IL1R1: variants seen among roughly 807,000 people sequenced by gnomAD.
IL1R1 encodes the protein interleukin-1 receptor type 1.
A neutral mutation model predicts 50.2 loss-of-function variants in IL1R1; 22 were observed. The observed-to-expected ratio is 0.44, with a 90% CI of 0.31 to 0.63. The LOEUF is 0.63. Among genes scored for constraint, IL1R1 ranks in the 20% least tolerant of loss-of-function variants. IL1R1 has a pLI of 0.07. For synonymous variants in IL1R1, 251 were observed against 236.7 expected (o/e 1.06, Z -0.55); for missense variants, 509 against 676.2 (o/e 0.75, Z 2.74).
intron 1 of IL1R1, among the ~76,000 whole-genome samples, chr2:102,119,399 G>A (rs1029237834): frequency 2.0e-5 from 3 of 152,328 alleles, no homozygotes; most frequent in Non-Finnish European, 2.9e-5. Context: ...GTGGTCAGTA[G>A]GTTATTGTTT....
chr2:102,121,881 G>A (rs1681425879), intron 1 of IL1R1, among the ~76,000 whole-genome samples: 3 of 152,124 alleles, frequency 2.0e-5, no homozygotes, highest in African/African-American at 7.2e-5. Context: ...CTATACTGGA[G>A]TTTAAAGCCA....
At chr2:102,145,646 A>C (rs1683054120) in intron 1 of IL1R1, among the ~76,000 whole-genome samples, 1 of 152,194 alleles carries the variant, frequency 6.6e-6, no homozygotes, top group Non-Finnish European at 1.5e-5. Flanking sequence ...GTGGAGTCTG[A>C]AATGAGGCTT....
intron 1 of IL1R1, among the ~76,000 whole-genome samples, chr2:102,124,021 C>T (rs566097442): frequency 6.6e-6 from 1 of 151,986 alleles, no homozygotes; most frequent in Non-Finnish European, 1.5e-5. Flanking sequence ...AAGTAAAGTA[C>T]TCACACACTA....
At chr2:102,072,915 G>A (rs745973914) in intron 1 of IL1R1, among the ~76,000 whole-genome samples, 3 of 152,150 alleles carry the variant, frequency 2.0e-5, no homozygotes, top group Non-Finnish European at 4.4e-5. Context: ...ACTGACTGAA[G>A]GCCCTTCCCG....
chr2:102,167,442 G>GTTTTT (rs3047461), intron 6 of IL1R1, among the ~76,000 whole-genome samples: 10 of 68,930 alleles, frequency 1.5e-4, no homozygotes, highest in Non-Finnish European at 2.0e-4. Context: ...TAGGTTAAGT[G>GTTTTT]TTTTTTTTTT....
At chr2:102,081,325 A>G (rs925447750) in intron 1 of IL1R1, among the ~76,000 whole-genome samples, 2 of 152,226 alleles carry the variant, frequency 1.3e-5, no homozygotes, top group Non-Finnish European at 2.9e-5. Flanking sequence ...AGTTACAACC[A>G]GCTAAGGGAG....
At chr2:102,099,965 C>T (rs1680069515), upstream of IL1R1, among the ~76,000 whole-genome samples, 1 of 152,122 alleles carries the variant, frequency 6.6e-6, no homozygotes, top group African/African-American at 2.4e-5. Flanking sequence ...ATTTTAACTC[C>T]AGGACTCCCA....
intron 1 of IL1R1, among the ~76,000 whole-genome samples, chr2:102,131,547 C>A (rs1682029172): frequency 6.6e-6 from 1 of 151,508 alleles, no homozygotes; most frequent in Non-Finnish European, 1.5e-5. Context: ...ATAACAACTA[C>A]AATTTCTGAG....
chr2:102,136,229 G>A (rs1363861652), intron 1 of IL1R1, among the ~76,000 whole-genome samples: 2 of 152,100 alleles, frequency 1.3e-5, no homozygotes, highest in African/African-American at 4.8e-5. Flanking sequence ...TGCCATCCAG[G>A]CTCTTAACAC....
chr2:102,119,914 A>G (rs762853659), intron 1 of IL1R1, among the ~76,000 whole-genome samples: 3 of 152,256 alleles, frequency 2.0e-5, no homozygotes, highest in East Asian at 3.9e-4. Flanking sequence ...TATTCATTTC[A>G]TGATGAAAAA....
intron 1 of IL1R1, among the ~76,000 whole-genome samples, chr2:102,117,994 A>G (rs1233371146): frequency 1.3e-5 from 2 of 151,048 alleles, no homozygotes; most frequent in Non-Finnish European, 2.9e-5. Flanking sequence ...ATATATATAG[A>G]CAAAATAAAA....
intron 1 of IL1R1, among the ~76,000 whole-genome samples, chr2:102,117,360 A>G (rs563405166): frequency 7.9e-5 from 12 of 152,300 alleles, no homozygotes; most frequent in South Asian, 2.1e-4. Context: ...ACACAGCTGG[A>G]AAGAGCAGGG....
chr2:102,172,990 C>G (rs1481689118), intron 9 of IL1R1, 152 bp downstream of exon 9: 4 of 600,460 alleles, frequency 6.7e-6, no homozygotes, highest in Non-Finnish European at 1.2e-5. Flanking sequence ...TTCTGCTGAA[C>G]TCTCTCTTCT....
chr2:102,129,970 T>C (rs944470329), intron 1 of IL1R1, among the ~76,000 whole-genome samples: 2 of 152,262 alleles, frequency 1.3e-5, no homozygotes, highest in Non-Finnish European at 2.9e-5. Flanking sequence ...CATTGCCTGT[T>C]AACATAAATC....
intron 11 of IL1R1, chr2:102,175,972 T>A: frequency 2.1e-6 from 1 of 478,344 alleles, no homozygotes; most frequent in Non-Finnish European, 3.7e-6. Flanking sequence ...TCCAACAAAG[T>A]TTTCTGAGTT....
chr2:102,172,659 A>G (rs755200038), intron 8 of IL1R1, 28 bp from the exon 9 acceptor site: 11 of 1,566,196 alleles, frequency 7.0e-6, no homozygotes, highest in Non-Finnish European at 9.5e-6. Context: ...TAACTTACAC[A>G]AGTTTATTTA....
intron 3 of IL1R1, 42 bp from the exon 4 acceptor site, chr2:102,164,732 A>C: frequency 7.4e-7 from 1 of 1,346,666 alleles, no homozygotes; most frequent in Non-Finnish European, 1.1e-6. Flanking sequence ...ACACACTGGC[A>C]GATTTTTATG....
intron 7 of IL1R1, among the ~76,000 whole-genome samples, chr2:102,171,135 C>G (rs1221248302): frequency 6.6e-6 from 1 of 152,168 alleles, no homozygotes; most frequent in Non-Finnish European, 1.5e-5. Context: ...GAGCACCAAG[C>G]TAATGAAAAG....
chr2:102,176,705 G>A lies in IL1R1; in HGVS notation c.1656G>A (p.Leu552=), dbSNP rs199664586. 6.9e-5 allele frequency: 111 copies of A among 1,614,054 alleles called. No homozygotes were observed. The highest frequency in any genetic ancestry group is 8.9e-5 in the Non-Finnish European group (105 of 1,180,044). ...RRSPSSKHQL[L]SPATKEKLQR... is the part of the protein sequence containing the mutation. ...CACCTTCATCTAAACACCAGTTACT[G>A]TCACCAGCCACTAAGGAGAAACTGC... is the stretch of plus-strand genomic sequence containing the variant. Residue 552 remains leucine (L), a synonymous_variant, in exon 12 of 12, where the codon CTG becomes CTA. Coordinates refer to ENST00000410023, the MANE Select transcript of IL1R1 (RefSeq NM_000877.4).
Sources: allele counts gnomAD v4.1 joint callset (sites outside exome capture counted in the v4.1 genomes callset), GRCh38; gene constraint gnomAD v4.1.1; transcripts MANE v1.5; gene names NCBI Gene and HGNC (gene_info 2026-07-23, HGNC 2026-07-21).